ATP6V0A1: variants seen among roughly 807,000 people sequenced by gnomAD.
ATP6V0A1 encodes the protein ATPase H+ transporting V0 subunit a1, also known as V-type proton ATPase 116 kDa subunit a 1.
In ATP6V0A1, 43 loss-of-function variants were observed where a neutral mutation model predicts 105.4. The ratio of observed to expected loss-of-function variants is 0.41; its 90% CI spans 0.32 to 0.53. The LOEUF (loss-of-function observed/expected upper bound fraction) is 0.53. Among genes scored for constraint, ATP6V0A1 ranks in the 20% least tolerant of loss-of-function variants. The pLI is 0.30. For missense variants in ATP6V0A1, 676 were observed against 1,051.1 expected, an observed-to-expected ratio of 0.64 and a Z score of 4.93; for synonymous variants, 362 against 372.8, an observed-to-expected ratio of 0.97 and a Z score of 0.33.
intron 18 of ATP6V0A1, 103 bp from the exon 19 acceptor site, chr17:42,508,469 C>T (rs547834665): frequency 2.2e-5 from 32 of 1,476,290 alleles, no homozygotes; most frequent in Admixed American, 6.7e-5. Flanking sequence ...GCCCATTTAA[C>T]ATGAACAGTC....
At chr17:42,486,690 T>G (rs556953672) in intron 9 of ATP6V0A1, among the ~76,000 whole-genome samples, 1 of 152,174 alleles carries the variant, frequency 6.6e-6, no homozygotes, top group South Asian at 2.1e-4. Flanking sequence ...ATGTTCCCAG[T>G]GTAGGCTGGT....
At chr17:42,475,435 A>G (rs1382365086) in intron 5 of ATP6V0A1, among the ~76,000 whole-genome samples, 2 of 152,260 alleles carry the variant, frequency 1.3e-5, no homozygotes, top group Non-Finnish European at 2.9e-5. Flanking sequence ...AAGCTTGTCC[A>G]GCCCATGGCC....
At chr17:42,496,761 G>A (rs1053320439) in intron 14 of ATP6V0A1, among the ~76,000 whole-genome samples, 3 of 152,068 alleles carry the variant, frequency 2.0e-5, no homozygotes, top group Non-Finnish European at 4.4e-5. Context: ...GCTTGCGCCC[G>A]GGAGGAGGAG....
chr17:42,495,245 T>C (rs980992628), intron 13 of ATP6V0A1, 57 bp downstream of exon 13: 1 of 1,566,660 alleles, frequency 6.4e-7, no homozygotes, highest in Non-Finnish European at 8.7e-7. Flanking sequence ...GCAGCCCTGA[T>C]TTTTAAGACA....
intron 7 of ATP6V0A1, 92 bp from the exon 8 acceptor site, chr17:42,480,572 CTGT>C (rs1368305979): frequency 1.0e-5 from 12 of 1,149,018 alleles, no homozygotes; most frequent in Non-Finnish European, 1.5e-5. Flanking sequence ...TAAAAGATGC[CTGT>C]TGTTCTTGCA....
At chr17:42,520,874 G>T in intron 21 of ATP6V0A1, 153 bp from the exon 22 acceptor site, 1 of 682,178 alleles carries the variant, frequency 1.5e-6, no homozygotes, top group Non-Finnish European at 2.6e-6. Context: ...CTTAAAAGTG[G>T]GATCTCTGCA....
chr17:42,469,464 G>T (rs1187752572), intron 4 of ATP6V0A1, among the ~76,000 whole-genome samples: 1 of 151,138 alleles, frequency 6.6e-6, no homozygotes, highest in African/African-American at 2.4e-5. Flanking sequence ...CCAGGTAGCT[G>T]GGATTACAGG....
At chr17:42,497,637 C>A (rs941586902) in intron 14 of ATP6V0A1, among the ~76,000 whole-genome samples, 7 of 151,140 alleles carry the variant, frequency 4.6e-5, no homozygotes, top group Admixed American at 4.0e-4. Context: ...CATGCCACTG[C>A]ACTCCAGCCT....
At chr17:42,465,476 G>A (rs2086932548) in intron 2 of ATP6V0A1, among the ~76,000 whole-genome samples, 1 of 151,562 alleles carries the variant, frequency 6.6e-6, no homozygotes, top group Non-Finnish European at 1.5e-5. Flanking sequence ...TTTTAGTAGA[G>A]ATGGAGTTTC....
chr17:42,519,035 A>G (rs898603139), intron 21 of ATP6V0A1: 1 of 152,372 alleles, frequency 6.6e-6, no homozygotes. Flanking sequence ...TGACCTCAAG[A>G]TAGACCCAAG....
At chr17:42,474,820 T>C (rs1225152043) in intron 5 of ATP6V0A1, among the ~76,000 whole-genome samples, 1 of 152,232 alleles carries the variant, frequency 6.6e-6, no homozygotes, top group Non-Finnish European at 1.5e-5. Flanking sequence ...TATTTAGGCA[T>C]AGGAGTTATG....
At chr17:42,468,157 A>G (rs1354879226) in intron 4 of ATP6V0A1, 50 bp downstream of exon 4, 2 of 1,309,998 alleles carry the variant, frequency 1.5e-6, no homozygotes, top group African/African-American at 3.0e-5. Context: ...TTGAACGCAG[A>G]AATTACTTTC....
chr17:42,493,638 T>A (rs2090881625), intron 11 of ATP6V0A1, among the ~76,000 whole-genome samples: 1 of 151,996 alleles, frequency 6.6e-6, no homozygotes, highest in Non-Finnish European at 1.5e-5. Context: ...TAAAAAAATA[T>A]TATTTATCAG....
intron 9 of ATP6V0A1, among the ~76,000 whole-genome samples, chr17:42,484,409 T>C (rs944638549): frequency 6.6e-6 from 1 of 152,112 alleles, no homozygotes; most frequent in Non-Finnish European, 1.5e-5. Context: ...AAGACAAATA[T>C]ATATCAAACA....
At chr17:42,468,311 T>C (rs569110270) in intron 4 of ATP6V0A1, among the ~76,000 whole-genome samples, 1 of 152,334 alleles carries the variant, frequency 6.6e-6, no homozygotes, top group South Asian at 2.1e-4. Context: ...ATACATAGAA[T>C]GTGTATATAC....
At chr17:42,484,496 A>G (rs1173157898) in intron 9 of ATP6V0A1, among the ~76,000 whole-genome samples, 1 of 152,190 alleles carries the variant, frequency 6.6e-6, no homozygotes, top group Non-Finnish European at 1.5e-5. Context: ...ATAGCTCGGC[A>G]TGCATCCTTG....
intron 20 of ATP6V0A1, 155 bp downstream of exon 20, chr17:42,514,133 C>A: frequency 8.0e-7 from 1 of 1,247,952 alleles, no homozygotes; most frequent in Non-Finnish European, 1.1e-6. Flanking sequence ...GGAGGCTCAG[C>A]ACTTGTGCCA....
At chr17:42,473,194 G>A (rs1294163752) in intron 5 of ATP6V0A1, among the ~76,000 whole-genome samples, 4 of 152,192 alleles carry the variant, frequency 2.6e-5, no homozygotes, top group Admixed American at 6.5e-5. Flanking sequence ...TCTTTCGCCA[G>A]TCCCTAATGA....
Position 42,514,478 on chromosome 17 carries a change from A to G in ATP6V0A1, c.2420+18A>G, listed in dbSNP as rs1223431388. 1.1e-5 allele frequency: 17 copies of G among 1,567,326 alleles called. No individual in the cohort carries two copies. The South Asian group carries it at 1.6e-4, about 14-fold the overall frequency. On this transcript the variant is annotated intron_variant, in intron 21 of 21. Coordinates refer to ENST00000343619, the MANE Select transcript of ATP6V0A1 (RefSeq NM_001130021.3). ...TTACACTGGTGAGGGGCAGTGGGGCAGGGCGGGCATGGGGGTGGATGTGTC... is the reference window on the plus strand; with the variant it reads ...TTACACTGGTGAGGGGCAGTGGGGCGGGGCGGGCATGGGGGTGGATGTGTC...
Sources: allele counts gnomAD v4.1 joint callset (sites outside exome capture counted in the v4.1 genomes callset), GRCh38; gene constraint gnomAD v4.1.1; transcripts MANE v1.5; gene names NCBI Gene and HGNC (gene_info 2026-07-23, HGNC 2026-07-21).